LRRC1: variants seen among roughly 807,000 people sequenced by gnomAD.
LRRC1 encodes the protein leucine-rich repeat-containing protein 1.
LRRC1 carries 28 observed loss-of-function variants against 69.9 expected under a neutral mutation model. The ratio of observed to expected loss-of-function variants is 0.40; its 90% confidence interval spans 0.30 to 0.55. The LOEUF (loss-of-function observed/expected upper bound fraction) is 0.55. LRRC1 is among the 20% of genes least tolerant of loss of function. The pLI is 0.47. For missense variants in LRRC1, 498 were observed against 609.0 expected (o/e 0.82, Z 1.92); for synonymous variants, 236 against 240.2 (o/e 0.98, Z 0.16).
chr6:53,919,489 A>AAC lies in LRRC1; in HGVS notation c.1107-8_1107-7insCA. On this transcript the variant is annotated splice_polypyrimidine_tract_variant and intron_variant, in intron 11 of 13. Transcript: ENST00000370888. ...ATGTCTCTTTTTTTAAAAAAAAAAA[A>AAC]AAAAACAGGTTGCTGCATCTACCTT... The AAC allele has an allele frequency of 6.6e-7, 1 of 1,509,806 alleles. No individual in the cohort carries two copies. The highest frequency in any genetic ancestry group is 8.8e-7 in the Non-Finnish European group (1 of 1,135,522). The allele number at this position is 1,509,806 out of a possible 1,614,324, so 93.5% of individuals were successfully genotyped here.
intron 2 of LRRC1, among the ~76,000 whole-genome samples, chr6:53,872,018 C>G (rs1279762265): frequency 6.6e-6 from 1 of 152,074 alleles, no homozygotes; most frequent in Non-Finnish European, 1.5e-5. Flanking sequence ...CAAAGAAATC[C>G]TTGCCCAGAC....
chr6:53,808,337 G>A (rs1313067715), intron 1 of LRRC1, among the ~76,000 whole-genome samples: 2 of 152,028 alleles, frequency 1.3e-5, no homozygotes, highest in Non-Finnish European at 2.9e-5. Context: ...TATTGATTTA[G>A]GGAGGACTGG....
At chr6:53,896,689 A>T (rs1278135690) in intron 5 of LRRC1, 135 bp downstream of exon 5, 2 of 1,012,766 alleles carry the variant, frequency 2.0e-6, no homozygotes, top group African/African-American at 3.2e-5. Flanking sequence ...GCCTTTTCTT[A>T]ACAATCCTTC....
intron 1 of LRRC1, among the ~76,000 whole-genome samples, chr6:53,809,153 A>G (rs1410629231): frequency 2.0e-5 from 3 of 152,220 alleles, no homozygotes; most frequent in African/African-American, 7.2e-5. Context: ...CAGCTATTAT[A>G]TACTATTTTT....
At chr6:53,808,654 A>C (rs1237560010) in intron 1 of LRRC1, among the ~76,000 whole-genome samples, 1 of 150,708 alleles carries the variant, frequency 6.6e-6, no homozygotes, top group African/African-American at 2.4e-5. Flanking sequence ...CTGTGATTTG[A>C]AGTGATGCAG....
intron 1 of LRRC1, among the ~76,000 whole-genome samples, chr6:53,827,806 A>G (rs578238663): frequency 3.3e-4 from 51 of 152,274 alleles, no homozygotes; most frequent in African/African-American, 1.2e-3. Context: ...TGTGATAATG[A>G]TTGCTCACTG....
At chr6:53,803,868 C>T (rs1228770456) in intron 1 of LRRC1, among the ~76,000 whole-genome samples, 1 of 152,108 alleles carries the variant, frequency 6.6e-6, no homozygotes, top group Non-Finnish European at 1.5e-5. Flanking sequence ...CATCTGGCCA[C>T]CATAGTCACC....
At chr6:53,833,803 G>T (rs1765530645) in intron 1 of LRRC1, among the ~76,000 whole-genome samples, 1 of 152,120 alleles carries the variant, frequency 6.6e-6, no homozygotes, top group African/African-American at 2.4e-5. Flanking sequence ...AGAATAAATG[G>T]TTAGTTTTAT....
chr6:53,874,039 C>T (rs749123653), intron 2 of LRRC1, among the ~76,000 whole-genome samples: 10 of 152,152 alleles, frequency 6.6e-5, no homozygotes, highest in South Asian at 2.1e-4. Flanking sequence ...AATGGCATGG[C>T]GCGGCCTTGC....
intron 4 of LRRC1, among the ~76,000 whole-genome samples, chr6:53,889,405 A>G (rs1020038639): frequency 3.3e-5 from 5 of 152,192 alleles, no homozygotes; most frequent in African/African-American, 1.2e-4. Flanking sequence ...TATTGGCATT[A>G]TTTATAATAA....
chr6:53,796,279 TGGTGCTTTGACCGAGAGTAGG>T (rs1016998727), intron 1 of LRRC1, among the ~76,000 whole-genome samples: 5 of 152,236 alleles, frequency 3.3e-5, no homozygotes, highest in Non-Finnish European at 7.4e-5. Flanking sequence ...CATGTGCTGA[TGGTGCTTTGACCGAGAGTAGG>T]GGTACAGCGA....
intron 10 of LRRC1, among the ~76,000 whole-genome samples, chr6:53,911,489 G>A (rs1448113145): frequency 6.6e-6 from 1 of 152,192 alleles, no homozygotes; most frequent in African/African-American, 2.4e-5. Flanking sequence ...AGCTCTGTAT[G>A]TCTTCCAGGA....
chr6:53,854,253 G>T (rs1237488571), intron 2 of LRRC1, among the ~76,000 whole-genome samples: 1 of 152,148 alleles, frequency 6.6e-6, no homozygotes, highest in Non-Finnish European at 1.5e-5. Flanking sequence ...TTTTAACTTG[G>T]TATCAATGAA....
At chr6:53,830,954 A>G (rs1294524410) in intron 1 of LRRC1, among the ~76,000 whole-genome samples, 12 of 132,186 alleles carry the variant, frequency 9.1e-5, no homozygotes, top group African/African-American at 3.3e-4. Flanking sequence ...AATTTTATAT[A>G]TATATATAAT....
rs774534722 is a variant in LRRC1, at chr6:53,902,763, A to C, written c.906+16A>C. ...TCAGCTCCTGGTAAGTGTGGTTTGC[A>C]CATATATCATAAAGACTTACTAGGG... On this transcript the variant is annotated intron_variant, in intron 9 of 13. Coordinates refer to ENST00000370888, the MANE Select transcript of LRRC1 (RefSeq NM_018214.5). 13 of 1,484,150 alleles carry C rather than the reference A, an allele frequency of 8.8e-6. No individual in the cohort carries two copies. In the East Asian group the frequency reaches 1.6e-4, roughly 18 times the overall value. The allele number at this position is 1,484,150 out of a possible 1,614,324, so 91.9% of individuals were successfully genotyped here.
intron 2 of LRRC1, among the ~76,000 whole-genome samples, chr6:53,870,816 T>G (rs1476615327): frequency 6.6e-6 from 1 of 152,190 alleles, no homozygotes; most frequent in Non-Finnish European, 1.5e-5. Flanking sequence ...CTAGGCTCTC[T>G]TAATCACTAT....
intron 4 of LRRC1, among the ~76,000 whole-genome samples, chr6:53,884,465 C>T (rs1454191305): frequency 6.6e-6 from 1 of 152,152 alleles, no homozygotes; most frequent in African/African-American, 2.4e-5. Flanking sequence ...CATGATTGTG[C>T]CACTGAATTC....
intron 11 of LRRC1, among the ~76,000 whole-genome samples, chr6:53,914,855 CCT>C (rs1277221890): frequency 1.3e-5 from 2 of 152,140 alleles, no homozygotes; most frequent in Non-Finnish European, 2.9e-5. Flanking sequence ...ATGAGAATTG[CCT>C]GTTTTCATAT....
chr6:53,845,001 G>A (rs919690732), intron 2 of LRRC1, among the ~76,000 whole-genome samples: 1 of 152,142 alleles, frequency 6.6e-6, no homozygotes, highest in Admixed American at 6.5e-5. Context: ...TCAGGAGTTC[G>A]AGACCAGCCT....
Sources: gnomAD v4.1 joint callset for allele counts (sites outside exome capture counted in the v4.1 genomes callset) on GRCh38, gnomAD v4.1.1 for gene constraint, MANE v1.5 for transcripts, NCBI Gene and HGNC (gene_info 2026-07-23, HGNC 2026-07-21) for gene names.